Variants in ZNF451 observed in about 807,000 individuals in gnomAD.
ZNF451 encodes E3 SUMO-protein ligase ZNF451.
Under a neutral mutation model 107.1 loss-of-function variants are expected in ZNF451, and 80 were observed. The ratio of observed to expected loss-of-function variants is 0.75; its 90% CI spans 0.62 to 0.90. The LOEUF (loss-of-function observed/expected upper bound fraction) is 0.90, where lower values mean the gene tolerates loss of function less well. Ranked by LOEUF, ZNF451 falls within the 40% of genes least tolerant of loss-of-function variation. ZNF451 has a pLI of 0.00. For missense variants in ZNF451, 1,107 were observed against 1,236.2 expected (o/e 0.90, Z 1.57); for synonymous variants, 362 against 406.5 (o/e 0.89, Z 1.32).
At chr6:57,150,640 C>G in intron 10 of ZNF451, 79 bp from the exon 11 acceptor site, 3 of 1,439,300 alleles carry the variant, frequency 2.1e-6, no homozygotes, top group Non-Finnish European at 2.8e-6. Flanking sequence ...TATTAGGCTT[C>G]TAATACTTTT....
chr6:57,137,761 A>T (rs991471940), intron 7 of ZNF451, among the ~76,000 whole-genome samples: 1 of 152,052 alleles, frequency 6.6e-6, no homozygotes, highest in African/African-American at 2.4e-5. Flanking sequence ...TGCCTAACCC[A>T]TCTTCCTCAT....
At chr6:57,109,262 T>C in intron 3 of ZNF451, 1 of 985,434 alleles carries the variant, frequency 1.0e-6, no homozygotes, top group Non-Finnish European at 1.2e-6. Context: ...TTTTCTTTGT[T>C]CAATGTTGTT....
intron 2 of ZNF451, among the ~76,000 whole-genome samples, chr6:57,096,016 G>A (rs1334242679): frequency 6.6e-6 from 1 of 151,888 alleles, no homozygotes; most frequent in Non-Finnish European, 1.5e-5. Flanking sequence ...TAGAGACAGA[G>A]TTTTGCCATG....
intron 13 of ZNF451, chr6:57,159,343 AT>A (rs769585623): frequency 4.0e-5 from 39 of 985,418 alleles, no homozygotes; most frequent in Non-Finnish European, 4.0e-5. Flanking sequence ...GAGTTATAAC[AT>A]GCTGCTTTTG....
At position 57,128,781 on chromosome 6, in the gene ZNF451, G is replaced by A. The variant is rs1207007297; in HGVS notation, c.365G>A (p.Arg122Gln). ...GGGTTACAAGAATTGGAATTTATTCGAGGACATTCTGATACAGAAGCAGCA... is the reference window on the plus strand; with the variant it reads ...GGGTTACAAGAATTGGAATTTATTCAAGGACATTCTGATACAGAAGCAGCA... ...AHGLQELEFI[R>Q]GHSDTEAARL... The change falls in exon 5 of 15, where the codon CGA becomes CAA. Residue 122 changes from arginine (R) to glutamine (Q), a missense_variant. Arg to Gln is a conservative substitution (Grantham distance 43). Around this residue, in one of 5 missense-constraint regions of ZNF451, gnomAD observed 339 missense variants for 372.8 expected, o/e 0.91. Coordinates refer to ENST00000370706, the MANE Select transcript of ZNF451 (RefSeq NM_001031623.3). 1.9e-6 allele frequency: 3 copies of A among 1,612,808 alleles called. No individual in the cohort carries two copies. Among genetic ancestry groups the A allele is most frequent in the Non-Finnish European group, 2.5e-6 (3 of 1,179,342 alleles).
In ZNF451 at chr6:57,128,809, A is replaced by G. The variant is rs1454877112; in HGVS notation, c.393A>G (p.Arg131=). Residue 131 remains arginine (R), a synonymous_variant, in exon 5 of 15, where the codon AGA becomes AGG. Transcript: ENST00000370706. ...GACATTCTGATACAGAAGCAGCAAG[A>G]CTGTGTGTGGACCAGTGGCTAAAAA... is the stretch of plus-strand genomic sequence containing the variant. The part of the protein sequence containing the change: ...IRGHSDTEAA[R]LCVDQWLKMP... 2 of 1,612,854 alleles carry G rather than the reference A, an allele frequency of 1.2e-6. No individual in the cohort carries two copies. Among genetic ancestry groups the G allele is most frequent in the Admixed American group, 1.7e-5 (1 of 59,872 alleles).
chr6:57,147,095 A>G lies in ZNF451; in HGVS notation c.1010A>G (p.His337Arg), dbSNP rs2127978402. The G allele has an allele frequency of 6.3e-7, 1 of 1,597,534 alleles. No individual in the cohort carries two copies. The highest frequency in any genetic ancestry group is 8.5e-7 in the Non-Finnish European group (1 of 1,171,532). The change falls in exon 10 of 15, where the codon CAT (histidine) becomes CGT (arginine). Residue 337 changes from histidine to arginine, a missense_variant. Around this residue, in one of 5 missense-constraint regions of ZNF451, gnomAD observed 339 missense variants for 372.8 expected, o/e 0.91. Transcript: ENST00000370706. ...TTTCTTTTTATCTAATTTAGAGTTC[A>G]TTGTCGAAATGCTGGACCTGTAGCT... ...HMELTAHFRV[H>R]CRNAGPVAVA...
At chr6:57,136,166 T>A (rs186921420) in intron 7 of ZNF451, among the ~76,000 whole-genome samples, 9 of 152,292 alleles carry the variant, frequency 5.9e-5, no homozygotes, top group Admixed American at 2.0e-4. Flanking sequence ...AGTAGGGTAG[T>A]CTTGGGGATT....
At chr6:57,113,450 C>CT (rs1830204827) in intron 3 of ZNF451, among the ~76,000 whole-genome samples, 1 of 151,870 alleles carries the variant, frequency 6.6e-6, no homozygotes, top group South Asian at 2.1e-4. Context: ...TCCGCATTCC[C>CT]TTTGAGTTAA....
In ZNF451 at chr6:57,124,771, A is replaced by G; in HGVS notation, c.224A>G (p.Lys75Arg). 6.3e-7 allele frequency: 1 copy of G among 1,599,664 alleles called. No individual in the cohort carries two copies. Among genetic ancestry groups the G allele is most frequent in the Non-Finnish European group, 8.6e-7 (1 of 1,167,492 alleles). The change falls in exon 4 of 15, where the codon AAG (lysine) becomes AGG (arginine). Residue 75 changes from lysine to arginine, a missense_variant. This residue lies in a region of ZNF451 where 339 missense variants were observed against 372.8 expected (regional missense o/e 0.91). Transcript: ENST00000370706. ...IKRKDHIDYQ[K>R]DKVALTLARL... The stretch of plus-strand genomic sequence containing the variant: ...CGTAAAGACCATATTGATTATCAGA[A>G]GGATAAAGTTGCTTTAACTCTGGCT...
chr6:57,169,950 G>GTTTA lies in ZNF451; in HGVS notation c.*1481_*1482insTTTA, dbSNP rs1764056837. On this transcript the variant is annotated 3_prime_UTR_variant, in exon 15 of 15. Transcript: ENST00000370706. ...GAAAGAAGAGTAGTTAAGCAGATGTGGGGGCAGGGCAAGAGGAGACAGCAC... is the reference window on the plus strand; with the variant it reads ...GAAAGAAGAGTAGTTAAGCAGATGTGTTTAGGGGCAGGGCAAGAGGAGACAGCAC... 1 of 152,210 alleles carries GTTTA rather than the reference G, an allele frequency of 6.6e-6. No homozygotes were observed. The highest frequency in any genetic ancestry group is 6.5e-5 in the Admixed American group (1 of 15,278). 9.4% of individuals were successfully genotyped at this position (152,210 alleles called of 1,614,324 possible).
chr6:57,150,835 C>T lies in ZNF451; in HGVS notation c.2725C>T (p.Gln909Ter), dbSNP rs1832309104. 9 of 1,613,910 alleles carry T rather than the reference C, an allele frequency of 5.6e-6. No individual in the cohort carries two copies. The highest frequency in any genetic ancestry group is 7.6e-6 in the Non-Finnish European group (9 of 1,179,968). Residue 909 changes from glutamine to a stop codon, truncating the protein, a stop_gained, in exon 11 of 15, where the codon CAA (glutamine) becomes TAA (stop). Transcript: ENST00000370706. LOFTEE classifies it high-confidence loss of function. ...FFGHLPGHLN[Q>*]GTFIWGFQGG... is the part of the protein sequence containing the mutation. ...TGGTCATCTACCAGGGCATCTAAAC[C>T]AAGGAACATTTATTTGGGGCTTTCA...
intron 2 of ZNF451, among the ~76,000 whole-genome samples, chr6:57,096,097 T>G (rs930203456): frequency 4.6e-5 from 7 of 152,064 alleles, no homozygotes; most frequent in African/African-American, 1.7e-4. Flanking sequence ...GTGCTGAGAT[T>G]ACAGGCATGA....
At chr6:57,091,888 T>C (rs1829064881) in intron 2 of ZNF451, among the ~76,000 whole-genome samples, 1 of 152,224 alleles carries the variant, frequency 6.6e-6, no homozygotes, top group East Asian at 1.9e-4. Flanking sequence ...TTCATTTTTG[T>C]ATGGTATTTT....
At chr6:57,138,266 C>CT (rs574875090) in intron 7 of ZNF451, among the ~76,000 whole-genome samples, 3,681 of 139,106 alleles carry the variant, frequency 0.026, 96 homozygotes, top group African/African-American at 0.068. Context: ...TTGGTTCTGC[C>CT]TTTTTTTTTT....
chr6:57,101,022 G>A, intron 3 of ZNF451: 1 of 1,550,584 alleles, frequency 6.4e-7, no homozygotes, highest in Non-Finnish European at 8.7e-7. Flanking sequence ...TGCAGTCCAG[G>A]AGCTGTTTTA....
chr6:57,118,761 G>A (rs1044670485), intron 3 of ZNF451, among the ~76,000 whole-genome samples: 1 of 152,176 alleles, frequency 6.6e-6, no homozygotes, highest in Non-Finnish European at 1.5e-5. Context: ...GGGATTACAA[G>A]TGTAAGCTAC....
At chr6:57,104,919 T>TG (rs922435480) in intron 3 of ZNF451, 5 of 985,296 alleles carry the variant, frequency 5.1e-6, no homozygotes, top group Non-Finnish European at 6.0e-6. Context: ...TTAATAGGGA[T>TG]GGGGACAGAA....
rs1264842862 is a variant in ZNF451, at chr6:57,163,017, A to G, written c.3139+1865A>G. Among the ~76,000 whole-genome samples, 9 of 152,218 alleles carry G rather than the reference A, an allele frequency of 5.9e-5. No homozygotes were observed. The East Asian group carries it at 1.5e-3, about 26-fold the overall frequency. On this transcript the variant is annotated intron_variant, in intron 14 of 14. Transcript: ENST00000370706. ...CCAAAGGAATGTGTTTGTGTTTTGT[A>G]TCCTGATGCTTTATATAAAATAAAT... is the stretch of plus-strand genomic sequence containing the variant.
Sources: allele counts gnomAD v4.1 joint callset (sites outside exome capture counted in the v4.1 genomes callset), GRCh38; gene constraint gnomAD v4.1.1; regional missense constraint gnomAD v4.1.1; transcripts MANE v1.5; gene names NCBI Gene and HGNC (gene_info 2026-07-23, HGNC 2026-07-21).